The following PUF60 variants were observed in gnomAD, a reference collection of about 807,000 sequenced individuals.
The protein encoded by PUF60 is poly(U)-binding-splicing factor PUF60.
A neutral mutation model predicts 61.8 loss-of-function variants in PUF60; 10 were observed. The observed-to-expected ratio is 0.16, with a 90% confidence interval of 0.10 to 0.27. The LOEUF is 0.27. PUF60 is among the 10% of genes least tolerant of loss of function. The pLI is 1.00. For missense variants in PUF60, 371 were observed against 754.0 expected, an observed-to-expected ratio of 0.49 and a Z score of 5.95; for synonymous variants, 353 against 300.9, an observed-to-expected ratio of 1.17 and a Z score of -1.79.
chr8:143,828,764 A>G (rs1019057008), intron 1 of PUF60, among the ~76,000 whole-genome samples: 8 of 152,202 alleles, frequency 5.3e-5, no homozygotes, highest in Non-Finnish European at 1.5e-5. Context: ...GGAGATAACC[A>G]GATCCCTCTC....
intron 1 of PUF60, chr8:143,827,149 C>T (rs1469349428): frequency 3.1e-6 from 1 of 323,980 alleles, no homozygotes; most frequent in Non-Finnish European, 6.0e-6. Context: ...TCAAAGATGA[C>T]TTCTGTGGTT....
At position 143,825,997 on chromosome 8, in the gene PUF60, C is replaced by T. The variant is rs1817599880; in HGVS notation, c.25-1598G>A. ...TCTACACAGGACACCCCATGCCATTCCTGGCAGATGGAAGTTCCCAGCTGC... is the reference window on the plus strand; with the variant it reads ...TCTACACAGGACACCCCATGCCATTTCTGGCAGATGGAAGTTCCCAGCTGC... On this transcript the variant is annotated intron_variant, in intron 1 of 11. Coordinates refer to ENST00000526683, the MANE Select transcript of PUF60 (RefSeq NM_078480.3). Among the ~76,000 whole-genome samples the T allele has an allele frequency of 2.6e-5, 4 of 152,250 alleles. No individual in the cohort carries two copies. In the South Asian group the frequency reaches 8.3e-4, roughly 32 times the overall value.
rs912097527 is a variant in PUF60 at position 143,824,176 on chromosome 8, G to A, written c.111+137C>T. 50 of 836,502 alleles carry A rather than the reference G, an allele frequency of 6.0e-5. 1 individual carries two copies. The highest frequency in any genetic ancestry group is 9.0e-5 in the Non-Finnish European group (49 of 541,494). 51.8% of individuals were successfully genotyped at this position (836,502 alleles called of 1,614,324 possible). On this transcript the variant is annotated intron_variant, in intron 2 of 11. Transcript: ENST00000526683. The stretch of plus-strand genomic sequence containing the variant: ...GGTCCTGCGGGCAGTTGTCTGCCCA[G>A]AGGCAGAGAAGGGTTCCCGAGGTTC...
chr8:143,824,361 C>T lies in PUF60; in HGVS notation c.63G>A (p.Ala21=), dbSNP rs751453680. The part of the protein sequence containing the change: ...NGQQGGGSEP[A]AAAAVVAAGD... ...CCGCTGCCACCACTGCCGCCGCCGCCGCCGGCTCGGACCCCCCTCCTTGCT... is the reference window on the plus strand; with the variant it reads ...CCGCTGCCACCACTGCCGCCGCCGCTGCCGGCTCGGACCCCCCTCCTTGCT... The change falls in exon 2 of 12, where the codon GCG becomes GCA. Residue 21 remains alanine (A), a synonymous_variant. Coordinates refer to ENST00000526683, the MANE Select transcript of PUF60 (RefSeq NM_078480.3). The T allele has an allele frequency of 6.2e-6, 10 of 1,612,534 alleles. No homozygotes were observed. The highest frequency in any genetic ancestry group is 2.7e-5 in the African/African-American group (2 of 74,928).
Position 143,820,788 on chromosome 8 carries a change from C to T in PUF60, c.298-72G>A, listed in dbSNP as rs1189680381. On this transcript the variant is annotated intron_variant, in intron 4 of 11. Coordinates refer to ENST00000526683, the MANE Select transcript of PUF60 (RefSeq NM_078480.3). ...CTCCCGCTCTCGTCAACACCTCACG[C>T]AGACAGCGGCAAGGCCCGGAGTCCC... The T allele has an allele frequency of 4.9e-6, 7 of 1,435,856 alleles. No individual in the cohort carries two copies. In the African/African-American group the frequency reaches 8.4e-5, roughly 17 times the overall value. The allele number at this position is 1,435,856 out of a possible 1,614,324, so 88.9% of individuals were successfully genotyped here.
chr8:143,825,007 C>G (rs1049047211), intron 1 of PUF60: 1 of 153,060 alleles, frequency 6.5e-6, no homozygotes, highest in Non-Finnish European at 1.5e-5. Context: ...CAGTAAGACC[C>G]ACACCTAAGG....
At position 143,818,581 on chromosome 8, in the gene PUF60, C is replaced by G. The variant is rs2130260085; in HGVS notation, c.349-47G>C. On this transcript the variant is annotated intron_variant, in intron 5 of 11. Coordinates refer to ENST00000526683, the MANE Select transcript of PUF60 (RefSeq NM_078480.3). The surrounding 1 kb of genome is among the most constrained non-coding windows in gnomAD (Gnocchi z 7.9). ...AGAACCGCTGGCTCGTCAGGGGCGG[C>G]AGGAAGCTGGGCAGCCCACTCCCCT... The G allele has an allele frequency of 6.6e-7, 1 of 1,517,938 alleles. No individual in the cohort carries two copies. The highest frequency in any genetic ancestry group is 1.2e-5 in the South Asian group (1 of 80,536). The allele number at this position is 1,517,938 out of a possible 1,614,324, so 94.0% of individuals were successfully genotyped here. A position where few individuals can be genotyped will look rare whatever the true frequency, so the allele number is the denominator to read the frequency against.
chr8:143,826,720 C>T (rs1315163883), intron 1 of PUF60, among the ~76,000 whole-genome samples: 2 of 152,064 alleles, frequency 1.3e-5, no homozygotes, highest in African/African-American at 4.8e-5. Context: ...CTCCGTCTCA[C>T]ACACAAAAAG....
At chr8:143,820,498 G>T in intron 5 of PUF60, 168 bp downstream of exon 5, 10 of 751,582 alleles carry the variant, frequency 1.3e-5, no homozygotes, top group Non-Finnish European at 1.6e-5. Flanking sequence ...GTCCCGGGTG[G>T]GTGCCCACAC....
At chr8:143,819,938 G>C (rs1385815372) in intron 5 of PUF60, among the ~76,000 whole-genome samples, 2 of 152,130 alleles carry the variant, frequency 1.3e-5, no homozygotes, top group Non-Finnish European at 2.9e-5. Flanking sequence ...TTGCCCCATG[G>C]GAGCCACACA....
Position 143,818,385 on chromosome 8 carries a change from G to A in PUF60, c.498C>T (p.Thr166=), listed in dbSNP as rs1208365639. 1 of 1,612,726 alleles carries A rather than the reference G, an allele frequency of 6.2e-7. No individual in the cohort carries two copies. The highest frequency in any genetic ancestry group is 1.1e-5 in the South Asian group (1 of 91,052). ...CAAGCCTGCTGACCTTGTGCTTCAT[G>A]GTGACGGAGTCCCAGGACATGTCGA... ...KSIDMSWDSV[T]MKHKGFAFVE... is the part of the protein sequence containing the mutation. The change falls in exon 6 of 12, where the codon ACC becomes ACT. Residue 166 remains threonine (T), a synonymous_variant. Transcript: ENST00000526683. The surrounding 1 kb of genome is among the most constrained non-coding windows in gnomAD (Gnocchi z 7.9).
rs752039481 is a variant in PUF60, at chr8:143,817,814, G to A, written c.818-32C>T. 49 of 1,606,556 alleles carry A rather than the reference G, an allele frequency of 3.0e-5. No homozygotes were observed. The highest frequency in any genetic ancestry group is 4.5e-5 in the East Asian group (2 of 44,634). On this transcript the variant is annotated intron_variant, in intron 8 of 11. Transcript: ENST00000526683. The surrounding 1 kb of genome is among the most constrained non-coding windows in gnomAD (Gnocchi z 7.4). ...GCAGGAGCAGCAGTGAGCAGGGCCA[G>A]CCCCAGCCTCAGGTGGCCCCCATCC... is the stretch of plus-strand genomic sequence containing the variant.
Position 143,818,137 on chromosome 8 carries a change from C to A in PUF60, c.603+56G>T. The A allele has an allele frequency of 6.2e-7, 1 of 1,600,498 alleles. No individual in the cohort carries two copies. The highest frequency in any genetic ancestry group is 8.5e-7 in the Non-Finnish European group (1 of 1,173,848). ...CCCAGGCCCGGCCACAAAAGGCTTC[C>A]GTGGAGGGGCAGCCCTGCACGCCTG... On this transcript the variant is annotated intron_variant, in intron 7 of 11. Transcript: ENST00000526683. This position sits in a 1 kb window ranked among gnomAD's most constrained non-coding sequence, Gnocchi z 7.9.
In PUF60 at chr8:143,821,800, T is replaced by G. The variant is rs1817050747; in HGVS notation, c.207+18A>C. On this transcript the variant is annotated intron_variant, in intron 3 of 11. Coordinates refer to ENST00000526683, the MANE Select transcript of PUF60 (RefSeq NM_078480.3). Reference sequence around the variant, plus strand: ...TGACTGTCCCACACCTGCAGTGCCCTGGGAGGTCCATGCTCACCTTCTGAA... The same window carrying G: ...TGACTGTCCCACACCTGCAGTGCCCGGGGAGGTCCATGCTCACCTTCTGAA... The G allele has an allele frequency of 6.3e-7, 1 of 1,580,808 alleles. No homozygotes were observed. The highest frequency in any genetic ancestry group is 8.6e-7 in the Non-Finnish European group (1 of 1,159,770).
intron 5 of PUF60, 166 bp downstream of exon 5, chr8:143,820,500 T>G: frequency 1.3e-6 from 1 of 763,700 alleles, no homozygotes; most frequent in Non-Finnish European, 2.2e-6. Context: ...CCCGGGTGGG[T>G]GCCCACACCA....
At chr8:143,828,153 T>A (rs1817851970) in intron 1 of PUF60, among the ~76,000 whole-genome samples, 1 of 152,210 alleles carries the variant, frequency 6.6e-6, no homozygotes, top group Admixed American at 6.5e-5. Context: ...AAGCTGGGTA[T>A]CTTGTGTAAA....
chr8:143,823,182 C>G (rs1202422627), intron 2 of PUF60: 1 of 160,454 alleles, frequency 6.2e-6, no homozygotes, highest in Non-Finnish European at 1.4e-5. Context: ...ACCCTCAGCA[C>G]CAGGTGCCCC....
In PUF60 at chr8:143,828,858, G is replaced by A. The variant is rs1817963185; in HGVS notation, c.24+422C>T. On this transcript the variant is annotated intron_variant, in intron 1 of 11. Transcript: ENST00000526683. ...CTGAGCTGCAGGCCCCTTTCTACAG[G>A]TCCCGTCCCCTTCTGATCCCATCAA... 4 of 919,312 alleles carry A rather than the reference G, an allele frequency of 4.4e-6. No individual in the cohort carries two copies. In the African/African-American group the frequency reaches 7.2e-5, roughly 16 times the overall value. 56.9% of individuals were successfully genotyped at this position (919,312 alleles called of 1,614,324 possible).
chr8:143,828,142 C>G (rs924741807), intron 1 of PUF60, among the ~76,000 whole-genome samples: 5 of 152,222 alleles, frequency 3.3e-5, no homozygotes, highest in Non-Finnish European at 5.9e-5. Context: ...GCTGCCCTCG[C>G]AAGCTGGGTA....
Sources: gnomAD v4.1 joint callset for allele counts (sites outside exome capture counted in the v4.1 genomes callset) on GRCh38, gnomAD v4.1.1 for gene constraint, Gnocchi (gnomAD v3.1) non-coding constraint, MANE v1.5 for transcripts, NCBI Gene and HGNC (gene_info 2026-07-23, HGNC 2026-07-21) for gene names.